Variants in PECAM1 observed in about 807,000 individuals in gnomAD.
PECAM1 encodes the protein platelet endothelial cell adhesion molecule.
A neutral mutation model predicts 13.8 loss-of-function variants in PECAM1; 8 were observed. The observed-to-expected ratio is 0.58, with a 90% confidence interval of 0.34 to 1.05. PECAM1 has a LOEUF of 1.05. PECAM1 is among the 50% of genes least tolerant of loss of function. PECAM1 has a pLI of 0.03. For synonymous variants in PECAM1, 136 were observed against 52.6 expected, an observed-to-expected ratio of 2.58 and a Z score of -6.86; for missense variants, 304 against 141.2, an observed-to-expected ratio of 2.15 and a Z score of -5.84.
chr17:64,374,735 G>A (rs906516204), intron 4 of PECAM1, among the ~76,000 whole-genome samples: 21 of 151,454 alleles, frequency 1.4e-4, no homozygotes, highest in South Asian at 6.3e-4. Flanking sequence ...ACTGAGCCAA[G>A]ATTGCACCAC....
chr17:64,365,411 A>C (rs1337509056), intron 5 of PECAM1, among the ~76,000 whole-genome samples: 142 of 150,634 alleles, frequency 9.4e-4, no homozygotes, highest in Non-Finnish European at 1.4e-3. Context: ...GGTAATTTAT[A>C]GATTCAATGC....
At chr17:64,342,390 C>A (rs2143736571) in intron 13 of PECAM1, among the ~76,000 whole-genome samples, 1 of 152,162 alleles carries the variant, frequency 6.6e-6, no homozygotes, top group East Asian at 1.9e-4. Flanking sequence ...TCCCTCAACG[C>A]AGGGTTGGGC....
At chr17:64,334,695 G>C (rs1278055299) in intron 14 of PECAM1, among the ~76,000 whole-genome samples, 1 of 152,130 alleles carries the variant, frequency 6.6e-6, no homozygotes, top group African/African-American at 2.4e-5. Context: ...TTTTAGTAGA[G>C]ATGGGGTTTC....
intron 2 of PECAM1, among the ~76,000 whole-genome samples, chr17:64,384,667 C>A (rs1020330371): frequency 6.6e-5 from 10 of 152,188 alleles, no homozygotes; most frequent in African/African-American, 2.4e-4. Flanking sequence ...TCAGTCAAGC[C>A]TTCAGATAAC....
intron 2 of PECAM1, among the ~76,000 whole-genome samples, chr17:64,385,953 C>T (rs2036583880): frequency 6.6e-6 from 1 of 152,196 alleles, no homozygotes; most frequent in Non-Finnish European, 1.5e-5. Context: ...TGCTGACAAG[C>T]TGGGCCCTGT....
chr17:64,351,751 T>C (rs2035729604), intron 11 of PECAM1, among the ~76,000 whole-genome samples: 2 of 151,976 alleles, frequency 1.3e-5, no homozygotes, highest in African/African-American at 4.8e-5. Flanking sequence ...CCAAATTTGG[T>C]CTGGGACAGG....
chr17:64,365,546 G>A (rs1281612786), intron 5 of PECAM1, among the ~76,000 whole-genome samples: 1 of 152,146 alleles, frequency 6.6e-6, no homozygotes, highest in Non-Finnish European at 1.5e-5. Flanking sequence ...CAAAGCTGGA[G>A]ACATCACGCA....
In PECAM1 at chr17:64,361,129, A is replaced by ATGTGTGTGTGTGTG. The variant is rs145637288; in HGVS notation, c.1217-728_1217-715dup. On this transcript the variant is annotated intron_variant, in intron 6 of 15. Transcript: ENST00000563924. ...AGCCACCACACCTGGCTGAGCATAT[A>ATGTGTGTGTGTGTG]TGTGTGTGTGTGTGTGTGTGTGTGT... Among the ~76,000 whole-genome samples the ATGTGTGTGTGTGTG allele has an allele frequency of 3.6e-3, 493 of 137,262 alleles. 5 individuals are homozygous for ATGTGTGTGTGTGTG. Among genetic ancestry groups the ATGTGTGTGTGTGTG allele is most frequent in the African/African-American group, 0.011 (382 of 35,530 alleles). 90.0% of individuals were successfully genotyped at this position (137,262 alleles called of 152,430 possible).
At chr17:64,338,139 G>A (rs1157715427) in intron 14 of PECAM1, among the ~76,000 whole-genome samples, 8 of 151,472 alleles carry the variant, frequency 5.3e-5, no homozygotes, top group Admixed American at 1.3e-4. Flanking sequence ...AGGCTCAAGC[G>A]ATCCTCCTGT....
intron 11 of PECAM1, among the ~76,000 whole-genome samples, chr17:64,351,770 T>C (rs1310551210): frequency 6.6e-6 from 1 of 152,128 alleles, no homozygotes; most frequent in African/African-American, 2.4e-5. Context: ...GGACTTTTTG[T>C]GATGTAATTA....
At chr17:64,377,163 C>T (rs2036378172) in intron 3 of PECAM1, among the ~76,000 whole-genome samples, 1 of 152,046 alleles carries the variant, frequency 6.6e-6, no homozygotes, top group African/African-American at 2.4e-5. Flanking sequence ...AGATTGAAAC[C>T]CAGGCAGAGT....
At chr17:64,349,420 A>G (rs1013907571) in intron 12 of PECAM1, among the ~76,000 whole-genome samples, 3 of 150,642 alleles carry the variant, frequency 2.0e-5, no homozygotes, top group African/African-American at 7.3e-5. Flanking sequence ...AAAATCCACC[A>G]ATACTAAAAA....
intron 14 of PECAM1, among the ~76,000 whole-genome samples, chr17:64,333,245 G>A (rs933381349): frequency 6.6e-6 from 1 of 152,166 alleles, no homozygotes; most frequent in Non-Finnish European, 1.5e-5. Context: ...TCAACAGGTA[G>A]GGCTGGTGCC....
chr17:64,351,915 G>A (rs2035733152), intron 11 of PECAM1, among the ~76,000 whole-genome samples: 1 of 152,202 alleles, frequency 6.6e-6, no homozygotes, highest in Non-Finnish European at 1.5e-5. Context: ...TGAGCCTTAT[G>A]AATAGATATT....
chr17:64,373,894 C>T (rs1031552356), intron 4 of PECAM1, among the ~76,000 whole-genome samples: 35 of 152,100 alleles, frequency 2.3e-4, no homozygotes, highest in Non-Finnish European at 4.1e-4. Flanking sequence ...GAGACCGGGT[C>T]CTGGGAGTGG....
Position 64,321,521 on chromosome 17 carries a change from G to T in PECAM1, c.*2295C>A. On this transcript the variant is annotated 3_prime_UTR_variant, in exon 16 of 16. Coordinates refer to ENST00000563924, the MANE Select transcript of PECAM1 (RefSeq NM_000442.5). ...GCCTGCAATCCCAGCACTTTGCGAG[G>T]CCAAGGAGGGAGGATCACTTGAGCC... is the stretch of plus-strand genomic sequence containing the variant. 1 of 868,454 alleles carries T rather than the reference G, an allele frequency of 1.2e-6. No individual in the cohort carries two copies. Among genetic ancestry groups the T allele is most frequent in the Non-Finnish European group, 1.4e-6 (1 of 711,808 alleles). 53.8% of individuals were successfully genotyped at this position (868,454 alleles called of 1,614,324 possible).
Position 64,390,706 on chromosome 17 carries a change from G to A in PECAM1, c.-41C>T, listed in dbSNP as rs1032184513. 3.2e-5 allele frequency: 14 copies of A among 435,512 alleles called. No homozygotes were observed. The highest frequency in any genetic ancestry group is 8.1e-5 in the African/African-American group (4 of 49,600). The allele number at this position is 435,512 out of a possible 1,614,324, so 27.0% of individuals were successfully genotyped here. ...TGCAGGCACAGTTAGTTCTGCCTTC[G>A]GGCCATGACTCGCTCAGCAGAAGGC... On this transcript the variant is annotated 5_prime_UTR_variant, in exon 1 of 16. The change creates a premature stop within an existing upstream ORF in the 5' untranslated region. Transcript: ENST00000563924.
chr17:64,333,358 GAA>G (rs1203481441), intron 14 of PECAM1, among the ~76,000 whole-genome samples: 1 of 152,120 alleles, frequency 6.6e-6, no homozygotes, highest in African/African-American at 2.4e-5. Context: ...TACTGGAGAG[GAA>G]AACCAGCTCT....
At chr17:64,360,520 C>T (rs1425869536) in intron 6 of PECAM1, 105 bp from the exon 7 acceptor site, 2 of 410,098 alleles carry the variant, frequency 4.9e-6, no homozygotes, top group East Asian at 3.5e-5. Flanking sequence ...TCTATCCCTG[C>T]TGTAATTTCA....
Sources: allele counts gnomAD v4.1 joint callset (sites outside exome capture counted in the v4.1 genomes callset), GRCh38; gene constraint gnomAD v4.1.1; transcripts MANE v1.5; gene names NCBI Gene and HGNC (gene_info 2026-07-23, HGNC 2026-07-21).